EYS: variants seen among roughly 807,000 people sequenced by gnomAD.
The protein encoded by EYS is protein eyes shut homolog.
EYS carries 250 observed loss-of-function variants against 282.1 expected under a neutral mutation model. The ratio of observed to expected loss-of-function variants is 0.89; its 90% CI spans 0.80 to 0.98. EYS has a LOEUF of 0.98. Among genes scored for constraint, EYS ranks in the 50% least tolerant of loss-of-function variants. The pLI, the probability that EYS is intolerant of heterozygous loss-of-function variation, is 0.00. For missense variants in EYS, 4,016 were observed against 3,709.0 expected (o/e 1.08, Z -2.15); for synonymous variants, 1,355 against 1,282.9 (o/e 1.06, Z -1.20).
At chr6:64,647,761 T>C (rs930031804) in intron 22 of EYS, among the ~76,000 whole-genome samples, 1 of 151,868 alleles carries the variant, frequency 6.6e-6, no homozygotes, top group Non-Finnish European at 1.5e-5. Flanking sequence ...TTACCAGAGG[T>C]TTTACTTCAA....
intron 2 of EYS, among the ~76,000 whole-genome samples, chr6:65,517,359 T>C (rs3846800): frequency 0.75 from 111,710 of 149,776 alleles, 42,459 homozygotes; most frequent in African/African-American, 0.89. Context: ...AAACAAAAGC[T>C]CAAACCTTAA....
At chr6:63,915,453 G>C (rs955856613) in intron 35 of EYS, among the ~76,000 whole-genome samples, 2 of 152,176 alleles carry the variant, frequency 1.3e-5, no homozygotes, top group Non-Finnish European at 2.9e-5. Flanking sequence ...GAGGCACAAG[G>C]AGACTAGTGT....
intron 12 of EYS, among the ~76,000 whole-genome samples, chr6:65,283,574 T>A (rs1197971068): frequency 1.3e-5 from 2 of 152,012 alleles, no homozygotes; most frequent in Admixed American, 6.6e-5. Flanking sequence ...AATCCCATTC[T>A]TTACTGATTT....
At chr6:63,863,663 C>CTT (rs1436358110) in intron 36 of EYS, among the ~76,000 whole-genome samples, 3 of 55,792 alleles carry the variant, frequency 5.4e-5, no homozygotes, top group Non-Finnish European at 7.6e-5. Context: ...CTTTTCTTTT[C>CTT]TTTTCTTTTT....
chr6:65,036,668 A>G (rs1772781623), intron 13 of EYS, among the ~76,000 whole-genome samples: 1 of 151,908 alleles, frequency 6.6e-6, no homozygotes, highest in Admixed American at 6.6e-5. Flanking sequence ...GGACATGAAC[A>G]TTTGTCAGAA....
At chr6:65,530,181 G>A (rs558136392) in intron 2 of EYS, among the ~76,000 whole-genome samples, 1 of 152,114 alleles carries the variant, frequency 6.6e-6, no homozygotes, top group Admixed American at 6.6e-5. Flanking sequence ...CTTACCATTT[G>A]TCAGTCAGTA....
intron 2 of EYS, among the ~76,000 whole-genome samples, chr6:65,545,594 T>C (rs902575002): frequency 6.6e-6 from 1 of 152,182 alleles, no homozygotes; most frequent in East Asian, 1.9e-4. Flanking sequence ...CAACTTGCTG[T>C]TTTAAATTTC....
intron 16 of EYS, 47 bp downstream of exon 16, chr6:64,912,437 T>C (rs574348120): frequency 1.3e-6 from 2 of 1,509,352 alleles, no homozygotes; most frequent in East Asian, 2.5e-5. Flanking sequence ...ATACACAAAC[T>C]AATTAAGTAA....
At chr6:64,587,144 A>ACGAT (rs1766258539) in intron 26 of EYS, among the ~76,000 whole-genome samples, 1 of 152,114 alleles carries the variant, frequency 6.6e-6, no homozygotes, top group African/African-American at 2.4e-5. Flanking sequence ...AGGTGGCTCC[A>ACGAT]CGATGCCTCA....
At chr6:64,205,874 GAA>G (rs1765596783) in intron 31 of EYS, among the ~76,000 whole-genome samples, 1 of 150,360 alleles carries the variant, frequency 6.7e-6, no homozygotes, top group Non-Finnish European at 1.5e-5. Flanking sequence ...GAGAGAGAGA[GAA>G]AGAAATTCAC....
intron 29 of EYS, among the ~76,000 whole-genome samples, chr6:64,313,662 C>G (rs551466876): frequency 3.9e-4 from 60 of 152,104 alleles, no homozygotes; most frequent in South Asian, 2.7e-3. Flanking sequence ...AAAAGGAAGC[C>G]CATCAGACTA....
At chr6:65,491,162 A>G (rs1053333836) in intron 4 of EYS, among the ~76,000 whole-genome samples, 1 of 152,048 alleles carries the variant, frequency 6.6e-6, no homozygotes, top group Non-Finnish European at 1.5e-5. Flanking sequence ...GGATTCTCAG[A>G]ATATGTGCAC....
intron 5 of EYS, among the ~76,000 whole-genome samples, chr6:65,479,426 A>G (rs1765524862): frequency 6.6e-6 from 1 of 152,248 alleles, no homozygotes; most frequent in Non-Finnish European, 1.5e-5. Flanking sequence ...TGTTTTATAG[A>G]ACCTCAAATT....
At chr6:64,170,499 C>G (rs2150306471) in intron 31 of EYS, among the ~76,000 whole-genome samples, 1 of 152,012 alleles carries the variant, frequency 6.6e-6, no homozygotes, top group South Asian at 2.1e-4. Context: ...CCTCCTAGCC[C>G]CCAGTGGTTG....
chr6:65,636,867 G>A (rs1767105576), intron 2 of EYS, among the ~76,000 whole-genome samples: 1 of 152,070 alleles, frequency 6.6e-6, no homozygotes, highest in South Asian at 2.1e-4. Flanking sequence ...GCAGTGCAGT[G>A]GTGTCATCAC....
chr6:64,113,046 A>C (rs1282506180), intron 31 of EYS, among the ~76,000 whole-genome samples: 4 of 152,116 alleles, frequency 2.6e-5, no homozygotes, highest in Non-Finnish European at 2.9e-5. Flanking sequence ...TGTTGATTGA[A>C]AACTGAAAAC....
At chr6:63,879,488 A>G (rs934901769) in intron 35 of EYS, among the ~76,000 whole-genome samples, 21 of 152,320 alleles carry the variant, frequency 1.4e-4, no homozygotes, top group African/African-American at 4.6e-4. Context: ...ACAAAACAGT[A>G]AAGTTTGCAC....
chr6:65,343,899 C>A, intron 10 of EYS, 139 bp downstream of exon 10: 6 of 717,966 alleles, frequency 8.4e-6, no homozygotes, highest in South Asian at 5.2e-5. Context: ...AATTTGTTTA[C>A]GAAGTTATAT....
At chr6:65,294,906 C>A (rs1204657978) in intron 12 of EYS, among the ~76,000 whole-genome samples, 1 of 151,776 alleles carries the variant, frequency 6.6e-6, no homozygotes, top group African/African-American at 2.4e-5. Context: ...AGCAAGCTTA[C>A]CAGAATTTTT....
Sources: gnomAD v4.1 joint callset for allele counts (sites outside exome capture counted in the v4.1 genomes callset) on GRCh38, gnomAD v4.1.1 for gene constraint, MANE v1.5 for transcripts, NCBI Gene and HGNC (gene_info 2026-07-23, HGNC 2026-07-21) for gene names.